The following SCHIP1 variants were observed in gnomAD, a reference collection of about 807,000 sequenced individuals.
SCHIP1 encodes the protein schwannomin-interacting protein 1.
SCHIP1 carries 8 observed loss-of-function variants against 29.7 expected under a neutral mutation model. That is an observed-to-expected ratio of 0.27 (90% CI 0.16 to 0.49). The LOEUF is 0.49. Among genes scored for constraint, SCHIP1 ranks in the 20% least tolerant of loss-of-function variants. The pLI is 0.99. For missense variants in SCHIP1, 193 were observed against 294.6 expected (o/e 0.66, Z 2.52); for synonymous variants, 76 against 94.9 (o/e 0.80, Z 1.16).
At chr3:159,277,918 G>GAA in the SCHIP1 span, among the ~76,000 whole-genome samples, 3 of 136,014 alleles carry the variant, frequency 2.2e-5, no homozygotes, top group South Asian at 2.3e-4. Flanking sequence ...CGTCTCAAAA[G>GAA]AAAAAAAAAA....
the SCHIP1 span, among the ~76,000 whole-genome samples, chr3:159,664,109 C>T: frequency 2.0e-5 from 3 of 152,156 alleles, no homozygotes; most frequent in African/African-American, 7.2e-5. Flanking sequence ...CAAGAAGGGT[C>T]ATAAGGCATT....
the SCHIP1 span, among the ~76,000 whole-genome samples, chr3:159,463,607 A>AT: frequency 1.3e-5 from 2 of 151,992 alleles, 1 homozygote; most frequent in South Asian, 4.1e-4. Context: ...CTGAAGTATC[A>AT]TTTTTCCAAA....
the SCHIP1 span, among the ~76,000 whole-genome samples, chr3:159,375,444 A>ATAGTT: frequency 6.6e-6 from 1 of 152,202 alleles, no homozygotes; most frequent in Admixed American, 6.5e-5. Flanking sequence ...AAAACTATTA[A>ATAGTT]TAGTTTGATA....
the SCHIP1 span, among the ~76,000 whole-genome samples, chr3:159,554,857 G>T: frequency 6.6e-6 from 1 of 151,840 alleles, no homozygotes; most frequent in Non-Finnish European, 1.5e-5. Context: ...AGTTGCTGTG[G>T]CAAATACTAC....
the SCHIP1 span, among the ~76,000 whole-genome samples, chr3:159,536,357 T>A: frequency 6.6e-6 from 1 of 152,200 alleles, no homozygotes; most frequent in African/African-American, 2.4e-5. Context: ...AATGAATTAG[T>A]GAGCTTGCAA....
intron 2 of SCHIP1, among the ~76,000 whole-genome samples, chr3:159,875,361 T>TA (rs1715694752): frequency 6.6e-6 from 1 of 151,970 alleles, no homozygotes; most frequent in Non-Finnish European, 1.5e-5. Flanking sequence ...TACCCTGTCT[T>TA]ATGAATTTTT....
chr3:159,401,613 G>A, the SCHIP1 span, among the ~76,000 whole-genome samples: 2 of 152,080 alleles, frequency 1.3e-5, no homozygotes, highest in African/African-American at 4.8e-5. Context: ...TTAAATCCAG[G>A]AAAATGTGAC....
intron 2 of SCHIP1, among the ~76,000 whole-genome samples, chr3:159,884,353 G>GTGTGTGTGTGTC (rs1415988641): frequency 2.1e-5 from 3 of 143,430 alleles, no homozygotes; most frequent in African/African-American, 8.0e-5. Context: ...CTGTGTCTGT[G>GTGTGTGTGTGTC]TGTGTGTGTG....
chr3:159,317,763 G>A, the SCHIP1 span, among the ~76,000 whole-genome samples: 7 of 152,172 alleles, frequency 4.6e-5, no homozygotes, highest in East Asian at 1.9e-4. Flanking sequence ...ATGCTGTGTG[G>A]AATACTATGA....
At chr3:159,642,906 A>G in the SCHIP1 span, among the ~76,000 whole-genome samples, 1 of 151,970 alleles carries the variant, frequency 6.6e-6, no homozygotes, top group African/African-American at 2.4e-5. Context: ...GATTCTATAG[A>G]ATTTAGACTG....
At chr3:159,488,315 A>G in the SCHIP1 span, among the ~76,000 whole-genome samples, 2 of 152,210 alleles carry the variant, frequency 1.3e-5, no homozygotes, top group African/African-American at 2.4e-5. Context: ...ACATTTTAAA[A>G]TAACGGAGAG....
chr3:159,407,221 A>C, the SCHIP1 span, among the ~76,000 whole-genome samples: 3 of 152,226 alleles, frequency 2.0e-5, no homozygotes, highest in Non-Finnish European at 4.4e-5. Flanking sequence ...GGAAACCAAA[A>C]ACAGCAGTAG....
the SCHIP1 span, among the ~76,000 whole-genome samples, chr3:159,720,642 T>C: frequency 6.6e-6 from 1 of 152,134 alleles, no homozygotes. Context: ...TGGAGTGCAG[T>C]GGCACCATCT....
At chr3:159,521,198 G>T in the SCHIP1 span, among the ~76,000 whole-genome samples, 1 of 152,158 alleles carries the variant, frequency 6.6e-6, no homozygotes. Flanking sequence ...CCTTGGACAT[G>T]TATAGTCAGC....
chr3:159,764,357 G>C, the SCHIP1 span: 5 of 1,465,890 alleles, frequency 3.4e-6, no homozygotes, highest in Admixed American at 4.9e-5. This position sits in a 1 kb window ranked among gnomAD's most constrained non-coding sequence, Gnocchi z 6.1. Context: ...CAGGGTGCGG[G>C]GCACTGAGCC....
the SCHIP1 span, among the ~76,000 whole-genome samples, chr3:159,405,520 G>A: frequency 6.6e-6 from 1 of 152,204 alleles, no homozygotes; most frequent in Non-Finnish European, 1.5e-5. Context: ...GAACACATCA[G>A]TCTCTTAATG....
chr3:159,393,800 C>T, the SCHIP1 span, among the ~76,000 whole-genome samples: 1 of 151,868 alleles, frequency 6.6e-6, no homozygotes, highest in African/African-American at 2.4e-5. Context: ...GATGCGGGCT[C>T]TTTTTTGGTT....
Position 159,842,997 on chromosome 3 carries a change from C to CTTTTTTTTTTTTTTTTT in SCHIP1, c.30+2786_30+2787insTTTTTTTTTTTTTTTTT, listed in dbSNP as rs1440922016. On this transcript the variant is annotated intron_variant, in intron 1 of 6. Transcript: ENST00000445224. ...GCTCTCCAGTTCTATCCCAATATTT[C>CTTTTTTTTTTTTTTTTT]TTTCTTTTTTTTTTTTTTTTTTTTT... 3.5e-3 allele frequency among the ~76,000 whole-genome samples: 214 copies of CTTTTTTTTTTTTTTTTT among 61,670 alleles called. 48 individuals carry two copies. Among genetic ancestry groups the CTTTTTTTTTTTTTTTTT allele is most frequent in the Middle Eastern group, 0.02 (2 of 98 alleles). 40.5% of individuals were successfully genotyped at this position (61,670 alleles called of 152,430 possible).
At chr3:159,800,745 T>C in the SCHIP1 span, among the ~76,000 whole-genome samples, 7 of 151,058 alleles carry the variant, frequency 4.6e-5, no homozygotes, top group African/African-American at 1.7e-4. Flanking sequence ...GGCAGAGGTA[T>C]GTGTGCGAGC....
Sources: allele counts gnomAD v4.1 joint callset (sites outside exome capture counted in the v4.1 genomes callset), GRCh38; gene constraint gnomAD v4.1.1; non-coding constraint Gnocchi (gnomAD v3.1); transcripts MANE v1.5; gene names NCBI Gene and HGNC (gene_info 2026-07-23, HGNC 2026-07-21).